The following DFFA variants were observed in gnomAD, a reference collection of about 807,000 sequenced individuals.
DFFA encodes the protein DNA fragmentation factor subunit alpha.
In DFFA, 14 loss-of-function variants were observed where a neutral mutation model predicts 28.0. The ratio of observed to expected loss-of-function variants is 0.50; its 90% CI spans 0.33 to 0.78. The LOEUF (loss-of-function observed/expected upper bound fraction) is 0.78. DFFA is among the 30% of genes least tolerant of loss of function. The pLI, the probability that DFFA is intolerant of heterozygous loss-of-function variation, is 0.02. For missense variants in DFFA, 395 were observed against 407.1 expected, an observed-to-expected ratio of 0.97 and a Z score of 0.26; for synonymous variants, 158 against 170.3, an observed-to-expected ratio of 0.93 and a Z score of 0.56.
chr1:10,459,761 C>T lies in DFFA; in HGVS notation c.*1729G>A, dbSNP rs552365339. ...AAAAAAAAAAAAGTAGGGTCTTACT[C>T]TATCATCCAGGCTGGAGTATGGTGG... On this transcript the variant is annotated 3_prime_UTR_variant, in exon 6 of 6. Coordinates refer to ENST00000377038, the MANE Select transcript of DFFA (RefSeq NM_004401.3). 3.3e-5 allele frequency: 5 copies of T among 151,104 alleles called. No homozygotes were observed. Among genetic ancestry groups the T allele is most frequent in the African/African-American group, 7.3e-5 (3 of 41,138 alleles). The allele number at this position is 151,104 out of a possible 1,614,324, so 9.4% of individuals were successfully genotyped here.
intron 3 of DFFA, among the ~76,000 whole-genome samples, chr1:10,464,115 C>T (rs1312535916): frequency 6.7e-6 from 1 of 148,360 alleles, no homozygotes; most frequent in Admixed American, 6.8e-5. Flanking sequence ...TTTTTTGAGA[C>T]AGAGTCTCGC....
rs1640926594 is a variant in DFFA at position 10,461,126 on chromosome 1, G to A, written c.*364C>T. On this transcript the variant is annotated 3_prime_UTR_variant, in exon 6 of 6. Coordinates refer to ENST00000377038, the MANE Select transcript of DFFA (RefSeq NM_004401.3). ...AGGGTTTCACCATGTTAGCCAGGAT[G>A]GTCTCGATCTCCTGACTTCACGATC... The A allele has an allele frequency of 1.1e-5, 2 of 181,506 alleles. No homozygotes were observed. Among genetic ancestry groups the A allele is most frequent in the South Asian group, 2.6e-4 (2 of 7,798 alleles). 11.2% of individuals were successfully genotyped at this position (181,506 alleles called of 1,614,324 possible). A position where few individuals can be genotyped will look rare whatever the true frequency, so the allele number is the denominator to read the frequency against.
At position 10,472,256 on chromosome 1, in the gene DFFA, C is replaced by T. The variant is rs2124351404; in HGVS notation, c.136+67G>A. 6.7e-7 allele frequency: 1 copy of T among 1,499,520 alleles called. No homozygotes were observed. Among genetic ancestry groups the T allele is most frequent in the Non-Finnish European group, 8.9e-7 (1 of 1,120,210 alleles). 92.9% of individuals were successfully genotyped at this position (1,499,520 alleles called of 1,614,324 possible). A position where few individuals can be genotyped will look rare whatever the true frequency, so the allele number is the denominator to read the frequency against. On this transcript the variant is annotated intron_variant, in intron 1 of 5. Coordinates refer to ENST00000377038, the MANE Select transcript of DFFA (RefSeq NM_004401.3). This position sits in a 1 kb window ranked among gnomAD's most constrained non-coding sequence, Gnocchi z 5.0. ...CAAGTCGCCTCTCCTGACCCCGCCT[C>T]GCCCCCGCCGGACGTCCTCACCCGG...
Position 10,463,165 on chromosome 1 carries a change from C to G in DFFA, c.676G>C (p.Gly226Arg). ...TCCGAGGAGGTCTCTCTGCTGATAC[C>G]CGTGTCTACTGCATCCACCTCCTCA... is the stretch of plus-strand genomic sequence containing the variant. Reference protein sequence around the residue: ...FGEEVDAVDTGISRETSSDVA... With the variant: ...FGEEVDAVDTRISRETSSDVA... The change falls in exon 5 of 6, where the codon GGT becomes CGT. Residue 226 changes from glycine to arginine, a missense_variant. Coordinates refer to ENST00000377038, the MANE Select transcript of DFFA (RefSeq NM_004401.3). 1 of 1,614,188 alleles carries G rather than the reference C, an allele frequency of 6.2e-7. No individual in the cohort carries two copies. The highest frequency in any genetic ancestry group is 8.5e-7 in the Non-Finnish European group (1 of 1,180,028).
rs1640870132 is a variant in DFFA, at chr1:10,456,994, G to GT, written c.*4495_*4496insA. ...CTGTGACCACGTTCATTACACATCT[G>GT]GGATAGAGCTCTGACTCTTTGATAG... On this transcript the variant is annotated 3_prime_UTR_variant, in exon 6 of 6. Transcript: ENST00000377038. The GT allele has an allele frequency of 6.6e-6, 1 of 152,174 alleles. No homozygotes were observed. 9.4% of individuals were successfully genotyped at this position (152,174 alleles called of 1,614,324 possible).
chr1:10,459,414 C>T lies in DFFA; in HGVS notation c.*2076G>A, dbSNP rs1171892416. Reference sequence around the variant, plus strand: ...GAAATTGCTTTCATGACCTTTTATACCCCCTGCTGATAAAGCAATTAGAAA... The same window carrying T: ...GAAATTGCTTTCATGACCTTTTATATCCCCTGCTGATAAAGCAATTAGAAA... On this transcript the variant is annotated 3_prime_UTR_variant, in exon 6 of 6. Transcript: ENST00000377038. 1 of 152,074 alleles carries T rather than the reference C, an allele frequency of 6.6e-6. No individual in the cohort carries two copies. Among genetic ancestry groups the T allele is most frequent in the Non-Finnish European group, 1.5e-5 (1 of 68,022 alleles). 9.4% of individuals were successfully genotyped at this position (152,074 alleles called of 1,614,324 possible).
rs370641772 is a variant in DFFA at position 10,470,309 on chromosome 1, T to C, written c.137-971A>G. Among the ~76,000 whole-genome samples, 6 of 152,218 alleles carry C rather than the reference T, an allele frequency of 3.9e-5. No homozygotes were observed. The South Asian group carries it at 1.2e-3, about 32-fold the overall frequency. Reference sequence around the variant, plus strand: ...CTGAAAGTATGTTTACTCCAGCTACTCCACACTCATGTATGGTAGGCATTT... The same window carrying C: ...CTGAAAGTATGTTTACTCCAGCTACCCCACACTCATGTATGGTAGGCATTT... On this transcript the variant is annotated intron_variant, in intron 1 of 5. Transcript: ENST00000377038.
At chr1:10,461,790 A>G (rs896166415) in intron 5 of DFFA, 88 bp from the exon 6 acceptor site, 7 of 1,554,522 alleles carry the variant, frequency 4.5e-6, no homozygotes, top group Non-Finnish European at 6.1e-6. Context: ...GAGTGCAATG[A>G]GGCAGTATCC....
chr1:10,463,260 A>C (rs1421802304), intron 4 of DFFA, 51 bp from the exon 5 acceptor site: 3 of 1,594,956 alleles, frequency 1.9e-6, no homozygotes, highest in African/African-American at 1.3e-5. Flanking sequence ...CCACACAGCC[A>C]CATGAACAAC....
chr1:10,456,595 T>C lies in DFFA; in HGVS notation c.*4895A>G, dbSNP rs2124331799. 1 of 151,988 alleles carries C rather than the reference T, an allele frequency of 6.6e-6. No homozygotes were observed. The highest frequency in any genetic ancestry group is 2.1e-4 in the South Asian group (1 of 4,810). 9.4% of individuals were successfully genotyped at this position (151,988 alleles called of 1,614,324 possible). On this transcript the variant is annotated 3_prime_UTR_variant, in exon 6 of 6. Coordinates refer to ENST00000377038, the MANE Select transcript of DFFA (RefSeq NM_004401.3). ...TAATAATTCTTGTAATTGATGCAGG[T>C]TTTCTTTTTTCTACAGACTACTATT...
At chr1:10,469,454 C>G in intron 1 of DFFA, 116 bp from the exon 2 acceptor site, 2 of 825,406 alleles carry the variant, frequency 2.4e-6, no homozygotes, top group Non-Finnish European at 3.8e-6. Flanking sequence ...TAGGTAATAA[C>G]TAGAATCACA....
intron 3 of DFFA, 62 bp from the exon 4 acceptor site, chr1:10,463,682 T>G (rs76689119): frequency 6.7e-7 from 1 of 1,493,944 alleles, no homozygotes; most frequent in South Asian, 1.3e-5. Flanking sequence ...TTTTTTTTTT[T>G]TGAGACGGAG....
In DFFA at chr1:10,463,214, A is replaced by C; in HGVS notation, c.632-5T>G. On this transcript the variant is annotated splice_region_variant and splice_polypyrimidine_tract_variant and intron_variant, in intron 4 of 5. Coordinates refer to ENST00000377038, the MANE Select transcript of DFFA (RefSeq NM_004401.3). ...CACCAAAGGCAGCTTTGGACTCTGC[A>C]AAGGAGACACGAGACAGAGATCAGA... The C allele has an allele frequency of 6.2e-7, 1 of 1,613,016 alleles. No individual in the cohort carries two copies. The highest frequency in any genetic ancestry group is 8.5e-7 in the Non-Finnish European group (1 of 1,179,174).
chr1:10,469,971 G>A (rs1056124767), intron 1 of DFFA, among the ~76,000 whole-genome samples: 19 of 150,916 alleles, frequency 1.3e-4, no homozygotes, highest in African/African-American at 4.4e-4. Context: ...ACCGGCCACC[G>A]TGCCTGGCTA....
Position 10,461,330 on chromosome 1 carries a change from A to C in DFFA, c.*160T>G. The C allele has an allele frequency of 3.0e-6, 4 of 1,317,024 alleles. No homozygotes were observed. The highest frequency in any genetic ancestry group is 4.0e-6 in the Non-Finnish European group (4 of 994,986). The allele number at this position is 1,317,024 out of a possible 1,614,324, so 81.6% of individuals were successfully genotyped here. A position where few individuals can be genotyped will look rare whatever the true frequency, so the allele number is the denominator to read the frequency against. Reference sequence around the variant, plus strand: ...CCTGAAGCTGGTGGGGCTAAAAAAAAAATTGGTGGAACGGCGTATGTTGAG... The same window carrying C: ...CCTGAAGCTGGTGGGGCTAAAAAAACAATTGGTGGAACGGCGTATGTTGAG... On this transcript the variant is annotated 3_prime_UTR_variant, in exon 6 of 6. Coordinates refer to ENST00000377038, the MANE Select transcript of DFFA (RefSeq NM_004401.3).
At chr1:10,463,358 A>G in intron 4 of DFFA, 73 bp downstream of exon 4, 1 of 1,557,502 alleles carries the variant, frequency 6.4e-7, no homozygotes, top group East Asian at 2.2e-5. Context: ...CTACATCACA[A>G]ATAGTGTCCT....
chr1:10,458,555 T>TTC lies in DFFA; in HGVS notation c.*2934_*2935insGA, dbSNP rs1553179466. 6.7e-6 allele frequency: 1 copy of TTC among 150,162 alleles called. No individual in the cohort carries two copies. Among genetic ancestry groups the TTC allele is most frequent in the Non-Finnish European group, 1.5e-5 (1 of 67,612 alleles). The allele number at this position is 150,162 out of a possible 1,614,324, so 9.3% of individuals were successfully genotyped here. A position where few individuals can be genotyped will look rare whatever the true frequency, so the allele number is the denominator to read the frequency against. ...TGTGATTTTCTTTTTTTTTTTTTTT[T>TTC]AAAGACAGAGTCTCATTCTGTCACC... is the stretch of plus-strand genomic sequence containing the variant. On this transcript the variant is annotated 3_prime_UTR_variant, in exon 6 of 6. Transcript: ENST00000377038.
intron 5 of DFFA, chr1:10,462,395 G>A: frequency 1.0e-6 from 1 of 985,088 alleles, no homozygotes; most frequent in Non-Finnish European, 1.2e-6. Context: ...GCCTCCCAAA[G>A]TACTGGCATT....
In DFFA at chr1:10,463,509, C is replaced by T. The variant is rs1314164253; in HGVS notation, c.553G>A (p.Val185Met). Reference sequence around the variant, plus strand: ...TGCAGGAGCTGCTTGGACTGACGCACTTCCTCTCTTTGGTCAAGCACCTGT... The same window carrying T: ...TGCAGGAGCTGCTTGGACTGACGCATTTCCTCTCTTTGGTCAAGCACCTGT... ...LQQVLDQREEVRQSKQLLQLY... is the reference protein window; with the variant it reads ...LQQVLDQREEMRQSKQLLQLY... Residue 185 changes from valine to methionine, a missense_variant, in exon 4 of 6, where the codon GTG becomes ATG. By Grantham distance (21) the Val-to-Met change is conservative (BLOSUM62 1). Transcript: ENST00000377038. 1 of 1,614,144 alleles carries T rather than the reference C, an allele frequency of 6.2e-7. No individual in the cohort carries two copies. Among genetic ancestry groups the T allele is most frequent in the Non-Finnish European group, 8.5e-7 (1 of 1,180,050 alleles).
Sources: allele counts gnomAD v4.1 joint callset (sites outside exome capture counted in the v4.1 genomes callset), GRCh38; gene constraint gnomAD v4.1.1; non-coding constraint Gnocchi (gnomAD v3.1); transcripts MANE v1.5; gene names NCBI Gene and HGNC (gene_info 2026-07-23, HGNC 2026-07-21).